PRB3: variants seen among roughly 807,000 people sequenced by gnomAD.
The protein encoded by PRB3 is basic salivary proline-rich protein 3.
A neutral mutation model predicts 10.0 loss-of-function variants in PRB3; 9 were observed. The observed-to-expected ratio is 0.90, with a 90% CI of 0.54 to 1.57. PRB3 has a LOEUF of 1.57. PRB3 is among the 40% of genes most tolerant of loss of function. PRB3 has a pLI of 0.00. For missense variants in PRB3, 285 were observed against 385.5 expected, an observed-to-expected ratio of 0.74 and a Z score of 2.18; for synonymous variants, 89 against 138.6, an observed-to-expected ratio of 0.64 and a Z score of 2.52.
chr12:11,267,296 G>C lies in PRB3; in HGVS notation c.953C>G (p.Pro318Arg), dbSNP rs1032498223. The change falls in exon 3 of 4, where the codon CCC becomes CGC. Residue 318 changes from proline to arginine, a missense_variant. By Grantham distance (103) the Pro-to-Arg change is moderately radical (BLOSUM62 -2). Coordinates refer to ENST00000538488, the MANE Select transcript of PRB3 (RefSeq NM_001394862.1). ...AGCGGGAGGTGGCAGAGGCTGCTGG[G>C]GATTGCCTCCTGGTGGGGGTGGTCC... ...PQGPPPPGGN[P>R]QQPLPPPAGK... 1 of 1,612,940 alleles carries C rather than the reference G, an allele frequency of 6.2e-7. No homozygotes were observed.
At position 11,268,272 on chromosome 12, in the gene PRB3, G is replaced by T. The variant is rs915473356; in HGVS notation, c.101-124C>A. On this transcript the variant is annotated intron_variant, in intron 2 of 3. Coordinates refer to ENST00000538488, the MANE Select transcript of PRB3 (RefSeq NM_001394862.1). ...CTAATTTCTTTGCATTTTCAGTGAA[G>T]CTCTAGAACTCTGGAGTGGAATGCT... 7 of 1,491,928 alleles carry T rather than the reference G, an allele frequency of 4.7e-6. No homozygotes were observed. In the East Asian group the frequency reaches 1.6e-4, roughly 34 times the overall value. The allele number at this position is 1,491,928 out of a possible 1,614,324, so 92.4% of individuals were successfully genotyped here.
At chr12:11,266,423 A>G (rs1948587511) in intron 3 of PRB3, among the ~76,000 whole-genome samples, 1 of 152,220 alleles carries the variant, frequency 6.6e-6, no homozygotes, top group South Asian at 2.1e-4. Flanking sequence ...GAGTAGCATA[A>G]AATTGTAAAA....
At position 11,267,968 on chromosome 12, in the gene PRB3, G is replaced by T. The variant is rs1948611089; in HGVS notation, c.281C>A (p.Pro94His). 2 of 1,579,578 alleles carry T rather than the reference G, an allele frequency of 1.3e-6. No homozygotes were observed. Among genetic ancestry groups the T allele is most frequent in the African/African-American group, 3.0e-5 (2 of 67,654 alleles). ...TTGTCCTTCTGGCTTTCCCGGACGA[G>T]GTGGGGGACCTTGGGACTGGTTTCC... is the stretch of plus-strand genomic sequence containing the variant. ...QGGNQSQGPPPRPGKPEGQPP... is the reference protein window; with the variant it reads ...QGGNQSQGPPHRPGKPEGQPP... Residue 94 changes from proline (P) to histidine (H), a missense_variant, in exon 3 of 4, where the codon CCT (proline) becomes CAT (histidine). Pro to His is a moderately conservative substitution (Grantham distance 77). Coordinates refer to ENST00000538488, the MANE Select transcript of PRB3 (RefSeq NM_001394862.1).
intron 3 of PRB3, among the ~76,000 whole-genome samples, chr12:11,266,337 T>C (rs574432714): frequency 2.0e-5 from 3 of 152,316 alleles, no homozygotes; most frequent in African/African-American, 7.2e-5. Context: ...TATTTTATAA[T>C]AGTGATAAGA....
chr12:11,265,976 C>G lies in PRB3; in HGVS notation c.*71G>C. ...AAGGTAGAGCTATGACCACCTTCTT[C>G]CAATGTCATGGCATTTGAATCATTT... On this transcript the variant is annotated 3_prime_UTR_variant, in exon 4 of 4. Coordinates refer to ENST00000538488, the MANE Select transcript of PRB3 (RefSeq NM_001394862.1). 1 of 456,470 alleles carries G rather than the reference C, an allele frequency of 2.2e-6. No homozygotes were observed. Among genetic ancestry groups the G allele is most frequent in the South Asian group, 1.5e-5 (1 of 64,558 alleles). 28.3% of individuals were successfully genotyped at this position (456,470 alleles called of 1,614,324 possible).
intron 2 of PRB3, 102 bp downstream of exon 2, chr12:11,268,531 C>T (rs1948619425): frequency 2.1e-6 from 3 of 1,437,528 alleles, no homozygotes; most frequent in East Asian, 4.5e-5. Flanking sequence ...TAATATTAAT[C>T]AATTTCTAAA....
intron 1 of PRB3, 58 bp downstream of exon 1, chr12:11,269,548 A>T: frequency 6.3e-7 from 1 of 1,588,492 alleles, no homozygotes; most frequent in Non-Finnish European, 8.6e-7. Context: ...CATAATTACA[A>T]CTATCACCTC....
chr12:11,266,578 A>C (rs978206825), intron 3 of PRB3, among the ~76,000 whole-genome samples: 3 of 152,246 alleles, frequency 2.0e-5, no homozygotes, highest in Non-Finnish European at 2.9e-5. Flanking sequence ...CTGTATGTCT[A>C]TGCACACATA....
At chr12:11,269,505 GC>G in intron 1 of PRB3, 100 bp downstream of exon 1, 1 of 1,431,696 alleles carries the variant, frequency 7.0e-7, no homozygotes, top group Non-Finnish European at 9.8e-7. Context: ...AACCTCTGCA[GC>G]CCCATCTGTG....
chr12:11,266,526 C>A (rs1184279414), intron 3 of PRB3, among the ~76,000 whole-genome samples: 1 of 152,074 alleles, frequency 6.6e-6, no homozygotes, highest in African/African-American at 2.4e-5. Context: ...ACCATATATA[C>A]CTGCATATAA....
chr12:11,267,328 C>G lies in PRB3; in HGVS notation c.921G>C (p.Arg307Ser). 1 of 1,610,570 alleles carries G rather than the reference C, an allele frequency of 6.2e-7. No homozygotes were observed. Among genetic ancestry groups the G allele is most frequent in the East Asian group, 2.2e-5 (1 of 44,726 alleles). ...CTCCTGGTGGGGGTGGTCCTTGTGGCCTTCCTGGAGGAGGGGGACGTTGAG... is the reference window on the plus strand; with the variant it reads ...CTCCTGGTGGGGGTGGTCCTTGTGGGCTTCCTGGAGGAGGGGGACGTTGAG... ...NKPQRPPPPG[R>S]PQGPPPPGGN... is the part of the protein sequence containing the mutation. The change falls in exon 3 of 4, where the codon AGG becomes AGC. Residue 307 changes from arginine to serine, a missense_variant. By Grantham distance (110) the Arg-to-Ser change is moderately radical. This residue lies in a region of PRB3 where 108 missense variants were observed against 106.9 expected (regional missense o/e 1.01). Transcript: ENST00000538488.
intron 1 of PRB3, 37 bp downstream of exon 1, chr12:11,269,569 A>G (rs1319067773): frequency 3.1e-6 from 5 of 1,610,812 alleles, no homozygotes; most frequent in Admixed American, 1.7e-5. Flanking sequence ...CTAAGCCCCA[A>G]GCAGAGTCAC....
In PRB3 at chr12:11,267,219, G is replaced by A; in HGVS notation, c.1030C>T (p.Pro344Ser). 1 of 1,614,062 alleles carries A rather than the reference G, an allele frequency of 6.2e-7. No homozygotes were observed. Among genetic ancestry groups the A allele is most frequent in the Non-Finnish European group, 8.5e-7 (1 of 1,179,932 alleles). Residue 344 changes from proline (P) to serine (S), a missense_variant, in exon 3 of 4, where the codon CCT becomes TCT. By Grantham distance (74) the Pro-to-Ser change is moderately conservative. Around this residue, in one of 3 missense-constraint regions of PRB3, gnomAD observed 108 missense variants for 106.9 expected, o/e 1.01. Coordinates refer to ENST00000538488, the MANE Select transcript of PRB3 (RefSeq NM_001394862.1). ...PPPQGGRPHR[P>S]PQGQPPQ ...TACTGGGGAGGCTGTCCCTGGGGAGGTCTGTGTGGTCTGCCCCCTTGAGGA... is the reference window on the plus strand; with the variant it reads ...TACTGGGGAGGCTGTCCCTGGGGAGATCTGTGTGGTCTGCCCCCTTGAGGA...
chr12:11,268,178 G>T, intron 2 of PRB3, 30 bp from the exon 3 acceptor site: 1 of 1,613,618 alleles, frequency 6.2e-7, no homozygotes, highest in Non-Finnish European at 8.5e-7. Context: ...GGCATTCACT[G>T]AATAGTTGCC....
At position 11,269,680 on chromosome 12, in the gene PRB3, G is replaced by T. The variant is rs905308799; in HGVS notation, c.-11C>A. The T allele has an allele frequency of 3.7e-6, 6 of 1,613,778 alleles. No individual in the cohort carries two copies. Among genetic ancestry groups the T allele is most frequent in the Non-Finnish European group, 5.1e-6 (6 of 1,179,882 alleles). On this transcript the variant is annotated 5_prime_UTR_variant, in exon 1 of 4. Coordinates refer to ENST00000538488, the MANE Select transcript of PRB3 (RefSeq NM_001394862.1). Reference sequence around the variant, plus strand: ...CAGAATCAGTAGCATCTTGCTGGAGGCTCTGGAGTCACTCCCAACTCTGTG... The same window carrying T: ...CAGAATCAGTAGCATCTTGCTGGAGTCTCTGGAGTCACTCCCAACTCTGTG...
chr12:11,268,041 C>T lies in PRB3; in HGVS notation c.208G>A (p.Gly70Ser), dbSNP rs1197023343. The T allele has an allele frequency of 1.3e-6, 2 of 1,595,810 alleles. No individual in the cohort carries two copies. ...GGCTTTCCTGGACGAGGTGGGGGACCTTGGGACTGGTTGCCTCCTTGTGGG... is the reference window on the plus strand; with the variant it reads ...GGCTTTCCTGGACGAGGTGGGGGACTTTGGGACTGGTTGCCTCCTTGTGGG... The part of the protein sequence containing the change: ...RPPQGGNQSQ[G>S]PPPRPGKPEG... Residue 70 changes from glycine to serine, a missense_variant, in exon 3 of 4, where the codon GGT becomes AGT. By Grantham distance (56) the Gly-to-Ser change is moderately conservative. Coordinates refer to ENST00000538488, the MANE Select transcript of PRB3 (RefSeq NM_001394862.1).
chr12:11,268,744 A>T, intron 1 of PRB3, 76 bp from the exon 2 acceptor site: 1 of 1,499,648 alleles, frequency 6.7e-7, no homozygotes, highest in Non-Finnish European at 9.3e-7. Context: ...CTACAGGGAA[A>T]GGGGACTTCT....
In PRB3 at chr12:11,269,649, C is replaced by G. The variant is rs374214346; in HGVS notation, c.21G>C (p.Ser7=). The change falls in exon 1 of 4, where the codon TCG becomes TCC. Residue 7 remains serine, a synonymous_variant. Coordinates refer to ENST00000538488, the MANE Select transcript of PRB3 (RefSeq NM_001394862.1). MLLILL[S]VALLALSSAQ... is the part of the protein sequence containing the mutation. ...CTGAGCTCAGGGCCAGCAGGGCCAC[C>G]GACAGCAGAATCAGTAGCATCTTGC... is the stretch of plus-strand genomic sequence containing the variant. The G allele has an allele frequency of 1.2e-6, 2 of 1,614,048 alleles. No homozygotes were observed. The highest frequency in any genetic ancestry group is 8.5e-7 in the Non-Finnish European group (1 of 1,179,940).
In PRB3 at chr12:11,268,036, G is replaced by C. The variant is rs910923659; in HGVS notation, c.213C>G (p.Pro71=). The part of the protein sequence containing the change: ...PPQGGNQSQG[P]PPRPGKPEGP... ...CTTCTGGCTTTCCTGGACGAGGTGGGGGACCTTGGGACTGGTTGCCTCCTT... is the reference window on the plus strand; with the variant it reads ...CTTCTGGCTTTCCTGGACGAGGTGGCGGACCTTGGGACTGGTTGCCTCCTT... Residue 71 remains proline (P), a synonymous_variant, in exon 3 of 4, where the codon CCC becomes CCG. Transcript: ENST00000538488. 6.2e-7 allele frequency: 1 copy of C among 1,600,620 alleles called. No homozygotes were observed. The highest frequency in any genetic ancestry group is 1.3e-5 in the African/African-American group (1 of 74,092).
Sources: allele counts gnomAD v4.1 joint callset (sites outside exome capture counted in the v4.1 genomes callset), GRCh38; gene constraint gnomAD v4.1.1; regional missense constraint gnomAD v4.1.1; transcripts MANE v1.5; gene names NCBI Gene and HGNC (gene_info 2026-07-23, HGNC 2026-07-21).